The following IL1RAPL2 variants were observed in gnomAD, a reference collection of about 807,000 sequenced individuals.
IL1RAPL2 encodes the protein interleukin 1 receptor accessory protein like 2.
IL1RAPL2 carries 3 observed loss-of-function variants against 44.1 expected under a neutral mutation model. The observed-to-expected ratio is 0.07, with a 90% CI of 0.03 to 0.18. IL1RAPL2 has a LOEUF of 0.18. IL1RAPL2 is among the 10% of genes least tolerant of loss of function. The pLI, the probability that IL1RAPL2 is intolerant of heterozygous loss-of-function variation, is 1.00. For missense variants in IL1RAPL2, 391 were observed against 496.4 expected (o/e 0.79, Z 2.02); for synonymous variants, 181 against 178.8 (o/e 1.01, Z -0.10).
At chrX:105,549,246 G>T (rs1233024783) in intron 6 of IL1RAPL2, among the ~76,000 whole-genome samples, 1 of 112,188 alleles carries the variant, frequency 8.9e-6, no homozygotes, top group East Asian at 2.8e-4. Context: ...TCTGTCATAT[G>T]GCAGTTATTC....
intron 6 of IL1RAPL2, among the ~76,000 whole-genome samples, chrX:105,686,130 A>C (rs2037971428): frequency 9.0e-6 from 1 of 110,847 alleles, no homozygotes; most frequent in South Asian, 3.8e-4. Flanking sequence ...CGATGCTATG[A>C]AGAAACTGCA....
At chrX:105,291,729 A>C (rs1031426198) in intron 5 of IL1RAPL2, among the ~76,000 whole-genome samples, 2 of 111,072 alleles carry the variant, frequency 1.8e-5, no homozygotes, top group Non-Finnish European at 3.8e-5. Context: ...GTTGGATGTA[A>C]TAGTGATTCT....
rs1931057242 is a variant in IL1RAPL2 at position 104,689,712 on chromosome X, G to A, written c.82+30717G>A. ...CAATGGATTAGTATCACTAACAAAA[G>A]GAAGATTCAACTTAATGAGAGAAAG... is the stretch of plus-strand genomic sequence containing the variant. On this transcript the variant is annotated intron_variant, in intron 2 of 10. Coordinates refer to ENST00000372582, the MANE Select transcript of IL1RAPL2 (RefSeq NM_017416.2). Among the ~76,000 whole-genome samples the A allele has an allele frequency of 1.8e-5, 2 of 111,434 alleles. 1 individual carries two copies. The highest frequency in any genetic ancestry group is 3.8e-5 in the Non-Finnish European group (2 of 53,118).
chrX:105,401,617 C>T (rs2035606962), intron 5 of IL1RAPL2, among the ~76,000 whole-genome samples: 1 of 109,912 alleles, frequency 9.1e-6, no homozygotes. Flanking sequence ...GCTAGGACTC[C>T]CTTAGGTTGG....
chrX:105,356,691 A>G (rs1332925754), intron 5 of IL1RAPL2, among the ~76,000 whole-genome samples: 1 of 112,419 alleles, frequency 8.9e-6, no homozygotes, highest in Non-Finnish European at 1.9e-5. Context: ...ACAGTGACCT[A>G]TGTGAATGAC....
chrX:104,572,714 C>T (rs1250724343), intron 1 of IL1RAPL2, among the ~76,000 whole-genome samples: 1 of 111,257 alleles, frequency 9.0e-6, no homozygotes, highest in African/African-American at 3.3e-5. Flanking sequence ...CTCACCTCAG[C>T]CTCCCGCCCC....
At chrX:105,491,591 G>A (rs1181494662) in intron 6 of IL1RAPL2, among the ~76,000 whole-genome samples, 4 of 111,844 alleles carry the variant, frequency 3.6e-5, no homozygotes, top group Non-Finnish European at 7.5e-5. Flanking sequence ...CTAGTTCATG[G>A]CAGAATTTCC....
intron 6 of IL1RAPL2, among the ~76,000 whole-genome samples, chrX:105,487,118 C>CTTGATA (rs1404969948): frequency 9.5e-6 from 1 of 105,311 alleles, no homozygotes; most frequent in Non-Finnish European, 1.9e-5. Context: ...AAAAATAGTA[C>CTTGATA]TTGATAAGAT....
rs1436775268 is a variant in IL1RAPL2, at chrX:105,225,150, C to T, written c.357-8668C>T. 2.7e-5 allele frequency among the ~76,000 whole-genome samples: 3 copies of T among 112,013 alleles called. No individual in the cohort carries two copies. The Admixed American group carries it at 2.8e-4, about 11-fold the overall frequency. Reference sequence around the variant, plus strand: ...TAGGAATGGTGACATGAGCTCACCACTAGAATGATCCACAATTCTTAGTTA... The same window carrying T: ...TAGGAATGGTGACATGAGCTCACCATTAGAATGATCCACAATTCTTAGTTA... On this transcript the variant is annotated intron_variant, in intron 3 of 10. Coordinates refer to ENST00000372582, the MANE Select transcript of IL1RAPL2 (RefSeq NM_017416.2).
chrX:105,166,258 A>T (rs1300344780), intron 2 of IL1RAPL2, among the ~76,000 whole-genome samples: 1 of 111,739 alleles, frequency 8.9e-6, no homozygotes, highest in East Asian at 2.8e-4. Flanking sequence ...CCCATATATT[A>T]TTTGACAGTG....
Position 105,740,535 on chromosome X carries a change from CTT to C in IL1RAPL2, c.903-9_903-8del, listed in dbSNP as rs1410448075. 8.3e-7 allele frequency: 1 copy of C among 1,205,731 alleles called. No individual in the cohort carries two copies. The highest frequency in any genetic ancestry group is 3.0e-5 in the East Asian group (1 of 33,663). ...AAGCCAATTCAGCCAAGAATACCGT[CTT>C]TATTTCAGGCTTCTCAAAGAGCATC... On this transcript the variant is annotated splice_polypyrimidine_tract_variant and intron_variant, in intron 7 of 10. Coordinates refer to ENST00000372582, the MANE Select transcript of IL1RAPL2 (RefSeq NM_017416.2).
rs749287739 is a variant in IL1RAPL2 at position 105,547,319 on chromosome X, G to A, written c.772+62932G>A. 5.3e-5 allele frequency among the ~76,000 whole-genome samples: 6 copies of A among 112,183 alleles called. No individual in the cohort carries two copies. The South Asian group carries it at 2.2e-3, about 42-fold the overall frequency. On this transcript the variant is annotated intron_variant, in intron 6 of 10. Coordinates refer to ENST00000372582, the MANE Select transcript of IL1RAPL2 (RefSeq NM_017416.2). Reference sequence around the variant, plus strand: ...TTGTTAGCCATTTCAAATGTCATTTGAGTGTTTGAAAAAGATGTGAATTAC... The same window carrying A: ...TTGTTAGCCATTTCAAATGTCATTTAAGTGTTTGAAAAAGATGTGAATTAC...
intron 2 of IL1RAPL2, among the ~76,000 whole-genome samples, chrX:104,678,823 G>A (rs1476376622): frequency 9.0e-6 from 1 of 110,977 alleles, no homozygotes; most frequent in African/African-American, 3.3e-5. Context: ...GGGCCTGTTG[G>A]GGGATGAGGG....
At chrX:104,936,474 T>G (rs1439024634) in intron 2 of IL1RAPL2, among the ~76,000 whole-genome samples, 1 of 111,366 alleles carries the variant, frequency 9.0e-6, no homozygotes, top group Non-Finnish European at 1.9e-5. Flanking sequence ...CACTTCAGGA[T>G]GCAAGACATA....
At chrX:104,705,613 G>A (rs917046286) in intron 2 of IL1RAPL2, among the ~76,000 whole-genome samples, 2 of 111,639 alleles carry the variant, frequency 1.8e-5, no homozygotes, top group African/African-American at 3.3e-5. Context: ...CCAACTGCAC[G>A]AAATGGAACC....
chrX:105,434,386 C>T (rs746685540), intron 5 of IL1RAPL2, among the ~76,000 whole-genome samples: 10 of 111,650 alleles, frequency 9.0e-5, no homozygotes, highest in Admixed American at 3.8e-4. Context: ...CTCACATTTG[C>T]GTAAAAATAT....
intron 2 of IL1RAPL2, among the ~76,000 whole-genome samples, chrX:104,700,169 C>T (rs945392354): frequency 8.9e-6 from 1 of 111,959 alleles, no homozygotes; most frequent in African/African-American, 3.2e-5. Flanking sequence ...TTCTTAACGA[C>T]ACAGGGGTAG....
chrX:105,016,222 A>G (rs2031172323), intron 2 of IL1RAPL2, among the ~76,000 whole-genome samples: 2 of 111,602 alleles, frequency 1.8e-5, no homozygotes, highest in Admixed American at 1.9e-4. Context: ...GGCTGAGACA[A>G]TGGGGTTTTC....
intron 5 of IL1RAPL2, among the ~76,000 whole-genome samples, chrX:105,341,002 C>CTA (rs1256781964): frequency 2.0e-5 from 2 of 101,936 alleles, no homozygotes; most frequent in Non-Finnish European, 3.8e-5. Context: ...TTGTATTTAA[C>CTA]TATATATATC....
Sources: allele counts gnomAD v4.1 joint callset (sites outside exome capture counted in the v4.1 genomes callset), GRCh38; gene constraint gnomAD v4.1.1; transcripts MANE v1.5; gene names NCBI Gene and HGNC (gene_info 2026-07-23, HGNC 2026-07-21).